TMEM182: variants seen among roughly 807,000 people sequenced by gnomAD.
TMEM182 encodes the protein transmembrane protein 182.
A neutral mutation model predicts 26.8 loss-of-function variants in TMEM182; 20 were observed. The ratio of observed to expected loss-of-function variants is 0.75; its 90% CI spans 0.53 to 1.09. The LOEUF is 1.09. TMEM182 is among the 50% of genes least tolerant of loss of function. The pLI is 0.00. For missense variants in TMEM182, 277 were observed against 275.5 expected (o/e 1.01, Z -0.04); for synonymous variants, 109 against 102.2 (o/e 1.07, Z -0.40).
chr2:102,832,126 C>G (rs979550597), intron 3 of TMEM182, among the ~76,000 whole-genome samples: 1 of 152,174 alleles, frequency 6.6e-6, no homozygotes, highest in East Asian at 1.9e-4. Flanking sequence ...ATGTATTTCA[C>G]TGGATTCTAT....
chr2:102,747,856 G>C (rs13417620), intron 1 of TMEM182, among the ~76,000 whole-genome samples: 1,625 of 152,304 alleles, frequency 0.011, 35 homozygotes, highest in African/African-American at 0.037. Context: ...AAGAGCTGTT[G>C]AGATGGAAAA....
intron 3 of TMEM182, among the ~76,000 whole-genome samples, chr2:102,792,129 G>A (rs990057714): frequency 1.8e-4 from 27 of 150,806 alleles, no homozygotes; most frequent in Non-Finnish European, 3.4e-4. Flanking sequence ...GTGTGTGTGT[G>A]CATATGTGTA....
chr2:102,811,370 T>C (rs1682551037), intron 4 of TMEM182, among the ~76,000 whole-genome samples: 1 of 152,234 alleles, frequency 6.6e-6, no homozygotes, highest in Non-Finnish European at 1.5e-5. Context: ...CTTTGATTAC[T>C]TGAATAAGGC....
chr2:102,817,101 G>A lies in TMEM182; in HGVS notation c.*2133G>A, dbSNP rs540142985. The A allele has an allele frequency of 9.1e-5, 90 of 985,294 alleles. No individual in the cohort carries two copies. Among genetic ancestry groups the A allele is most frequent in the Non-Finnish European group, 1.1e-4 (88 of 829,922 alleles). The allele number at this position is 985,294 out of a possible 1,614,324, so 61.0% of individuals were successfully genotyped here. A position where few individuals can be genotyped will look rare whatever the true frequency, so the allele number is the denominator to read the frequency against. On this transcript the variant is annotated 3_prime_UTR_variant, in exon 5 of 5. Coordinates refer to ENST00000412401, the MANE Select transcript of TMEM182 (RefSeq NM_144632.5). ...TTGATCAATTTACCAGCAACCCTCT[G>A]AAGGAATGAAGGAGAGTTGTGATTG...
At chr2:102,788,859 T>C (rs1480764532) in intron 3 of TMEM182, among the ~76,000 whole-genome samples, 2 of 152,112 alleles carry the variant, frequency 1.3e-5, no homozygotes. Context: ...AGAAAACAAA[T>C]CAATGGGCCA....
chr2:102,764,532 G>A (rs905263818), intron 3 of TMEM182, 105 bp downstream of exon 3: 18 of 814,296 alleles, frequency 2.2e-5, no homozygotes, highest in Non-Finnish European at 2.9e-5. Flanking sequence ...TTTAAGACCT[G>A]TAATTTCAAT....
chr2:102,764,547 T>G, intron 3 of TMEM182, 120 bp downstream of exon 3: 4 of 669,334 alleles, frequency 6.0e-6, no homozygotes, highest in Admixed American at 3.3e-5. Flanking sequence ...TTCAATATTT[T>G]TGATATCTGT....
At chr2:102,788,588 G>A (rs2104710337) in intron 3 of TMEM182, among the ~76,000 whole-genome samples, 1 of 152,024 alleles carries the variant, frequency 6.6e-6, no homozygotes, top group East Asian at 1.9e-4. Flanking sequence ...CACCCTTCCT[G>A]GTACCCAGGA....
chr2:102,754,156 C>T (rs900188983), intron 1 of TMEM182, among the ~76,000 whole-genome samples: 10 of 152,058 alleles, frequency 6.6e-5, no homozygotes, highest in African/African-American at 1.9e-4. Context: ...CTCAGTTTAC[C>T]GTCTTGTGTC....
chr2:102,841,683 G>A (rs1354692493), intron 3 of TMEM182, among the ~76,000 whole-genome samples: 2 of 152,176 alleles, frequency 1.3e-5, no homozygotes, highest in Admixed American at 1.3e-4. Context: ...TTATCCATAT[G>A]GACGTTAAAG....
At chr2:102,818,486 C>T (rs1005795623), downstream of TMEM182, among the ~76,000 whole-genome samples, 2 of 152,260 alleles carry the variant, frequency 1.3e-5, no homozygotes, top group Middle Eastern at 3.4e-3. Flanking sequence ...CCAGAGCAAG[C>T]GTTAGGGGCT....
intron 1 of TMEM182, among the ~76,000 whole-genome samples, chr2:102,754,898 G>A (rs1679986894): frequency 6.6e-6 from 1 of 152,196 alleles, no homozygotes; most frequent in Non-Finnish European, 1.5e-5. Context: ...ATCAAAGCAG[G>A]CAAAGCCTTC....
At chr2:102,756,441 C>T (rs1680034992) in intron 1 of TMEM182, among the ~76,000 whole-genome samples, 1 of 152,168 alleles carries the variant, frequency 6.6e-6, no homozygotes, top group Non-Finnish European at 1.5e-5. Flanking sequence ...GGTGCAGTGG[C>T]TCACGCCTGT....
chr2:102,783,243 T>G (rs1381894998), intron 3 of TMEM182, among the ~76,000 whole-genome samples: 1 of 152,240 alleles, frequency 6.6e-6, no homozygotes, highest in East Asian at 1.9e-4. Context: ...TATGTTTGAT[T>G]TTTGCAATGA....
intron 4 of TMEM182, among the ~76,000 whole-genome samples, chr2:102,814,088 A>G (rs1266607907): frequency 1.5e-4 from 10 of 68,468 alleles, no homozygotes; most frequent in African/African-American, 3.3e-4. Context: ...TTTAGTGTGT[A>G]TATATATATA....
intron 1 of TMEM182, among the ~76,000 whole-genome samples, chr2:102,751,323 G>C (rs562162776): frequency 6.6e-6 from 1 of 152,102 alleles, no homozygotes; most frequent in Non-Finnish European, 1.5e-5. Flanking sequence ...CATAGTGCAC[G>C]GGGAAGCTGG....
At chr2:102,760,577 CTA>C (rs1680175217), upstream of TMEM182, among the ~76,000 whole-genome samples, 1 of 152,066 alleles carries the variant, frequency 6.6e-6, no homozygotes, top group African/African-American at 2.4e-5. Flanking sequence ...GTGTAACATT[CTA>C]TATGGCTTAG....
At chr2:102,790,253 G>T (rs192976159) in intron 3 of TMEM182, among the ~76,000 whole-genome samples, 22 of 152,330 alleles carry the variant, frequency 1.4e-4, no homozygotes, top group African/African-American at 4.6e-4. Flanking sequence ...AGCAAGCCTG[G>T]CAAGGCCCCT....
chr2:102,835,599 C>G (rs939001776), intron 3 of TMEM182, among the ~76,000 whole-genome samples: 11 of 152,128 alleles, frequency 7.2e-5, no homozygotes, highest in African/African-American at 2.7e-4. Context: ...CCTCTGTGTT[C>G]CATCTGTTTA....
Sources: gnomAD v4.1 joint callset for allele counts (sites outside exome capture counted in the v4.1 genomes callset) on GRCh38, gnomAD v4.1.1 for gene constraint, MANE v1.5 for transcripts, NCBI Gene and HGNC (gene_info 2026-07-23, HGNC 2026-07-21) for gene names.